The following CHTF18 variants were observed in gnomAD, a reference collection of about 807,000 sequenced individuals.
CHTF18 encodes the protein chromosome transmission fidelity protein 18 homolog.
CHTF18 carries 151 observed loss-of-function variants against 113.4 expected under a neutral mutation model. The observed-to-expected ratio is 1.33, with a 90% CI of 1.17 to 1.52. CHTF18 has a LOEUF of 1.52. CHTF18 is among the 40% of genes most tolerant of loss of function. The probability of loss-of-function intolerance (pLI) is 0.00; values close to 1 mark genes in which losing one functional copy is unlikely to be tolerated. For synonymous variants in CHTF18, 916 were observed against 598.8 expected, an observed-to-expected ratio of 1.53 and a Z score of -7.74; for missense variants, 1,982 against 1,381.6, an observed-to-expected ratio of 1.43 and a Z score of -6.89.
In CHTF18 at chr16:790,634, C is replaced by T. The variant is rs951430512; in HGVS notation, c.862C>T (p.Pro288Ser). 1.6e-5 allele frequency: 26 copies of T among 1,594,868 alleles called. No homozygotes were observed. Among genetic ancestry groups the T allele is most frequent in the Admixed American group, 3.5e-5 (2 of 57,686 alleles). ...CTGCCTCTGGGTGGATGAGTTTGCA[C>T]CCCGCCACTACACGGAGCTGCTCAG... is the stretch of plus-strand genomic sequence containing the variant. ...SHCLWVDEFA[P>S]RHYTELLSDD... is the part of the protein sequence containing the mutation. Residue 288 changes from proline (P) to serine (S), a missense_variant, in exon 7 of 22, where the codon CCC (proline) becomes TCC (serine). By Grantham distance (74) the Pro-to-Ser change is moderately conservative. Coordinates refer to ENST00000262315, the MANE Select transcript of CHTF18 (RefSeq NM_022092.3).
Position 797,866 on chromosome 16 carries a change from T to TGG in CHTF18, c.2820_2821dup (p.Glu941GlyfsTer62). On this transcript the variant is annotated frameshift_variant, in exon 22 of 22. Transcript: ENST00000262315. LOFTEE classifies it high-confidence loss of function. ...GACACGGCCCCGGAGCAGGACTCAG[T>TGG]GGAGCGGCGCATGGGCACAGCGGTG... is the stretch of plus-strand genomic sequence containing the variant. The TGG allele has an allele frequency of 6.2e-7, 1 of 1,608,498 alleles. No homozygotes were observed. Among genetic ancestry groups the TGG allele is most frequent in the Non-Finnish European group, 8.5e-7 (1 of 1,178,090 alleles).
chr16:789,497 G>C (rs761939865), intron 3 of CHTF18, 50 bp from the exon 4 acceptor site: 1 of 1,557,508 alleles, frequency 6.4e-7, no homozygotes. Flanking sequence ...CCATATCCAA[G>C]GGTGACCCCA....
chr16:792,013 G>T (rs532276467), intron 9 of CHTF18, 65 bp downstream of exon 9: 225 of 1,556,346 alleles, frequency 1.4e-4, no homozygotes, highest in South Asian at 3.4e-4. Context: ...TCTGGTGGCG[G>T]ACCTGAAACC....
In CHTF18 at chr16:792,281, G is replaced by A. The variant is rs2042218111; in HGVS notation, c.1260G>A (p.Glu420=). ...RTRIEAATQM[E]SVLGAGGKPN... ...GCATCGAGGCGGCCACCCAGATGGA[G>A]TCGGTGCTGGGTGCTGGCGGGAAGC... Residue 420 remains glutamate, a synonymous_variant, in exon 10 of 22, where the codon GAG becomes GAA. Transcript: ENST00000262315. 1 of 1,559,452 alleles carries A rather than the reference G, an allele frequency of 6.4e-7. No individual in the cohort carries two copies. Among genetic ancestry groups the A allele is most frequent in the South Asian group, 1.2e-5 (1 of 84,608 alleles).
chr16:796,641 G>A (rs1237340081), intron 18 of CHTF18, 76 bp from the exon 19 acceptor site: 11 of 1,457,956 alleles, frequency 7.5e-6, no homozygotes, highest in Non-Finnish European at 8.1e-6. Context: ...GGGGTTTGCG[G>A]TTGGAGTGCC....
intron 18 of CHTF18, among the ~76,000 whole-genome samples, 163 bp downstream of exon 18, chr16:796,240 C>T (rs1801745537): frequency 6.6e-6 from 1 of 152,206 alleles, no homozygotes; most frequent in African/African-American, 2.4e-5. Flanking sequence ...GAAGGGGGGT[C>T]ACTTCCAGCT....
chr16:793,980 G>A, intron 14 of CHTF18, 74 bp from the exon 15 acceptor site: 3 of 1,523,184 alleles, frequency 2.0e-6, no homozygotes, highest in Non-Finnish European at 2.7e-6. Context: ...GGGCCTCTGA[G>A]TGTCCCGGGG....
chr16:793,308 C>A, intron 14 of CHTF18, 34 bp downstream of exon 14: 1 of 1,601,098 alleles, frequency 6.2e-7, no homozygotes, highest in Non-Finnish European at 8.5e-7. Flanking sequence ...CCCAGATGCT[C>A]ACGGTGCCCG....
In CHTF18 at chr16:791,879, T is replaced by G; in HGVS notation, c.1133T>G (p.Leu378Arg). Residue 378 changes from leucine to arginine, a missense_variant, in exon 9 of 22, where the codon CTG becomes CGG. Coordinates refer to ENST00000262315, the MANE Select transcript of CHTF18 (RefSeq NM_022092.3). ...KVALLCGPPG[L>R]GKTTLAHVIA... is the part of the protein sequence containing the mutation. ...GCACTGCTCTGTGGGCCCCCGGGGC[T>G]GGGGAAGACCACCCTGGCACACGTG... The G allele has an allele frequency of 1.2e-6, 2 of 1,608,840 alleles. No homozygotes were observed. The highest frequency in any genetic ancestry group is 1.7e-6 in the Non-Finnish European group (2 of 1,178,426).
chr16:796,683 C>G (rs1170719741), intron 18 of CHTF18, 34 bp from the exon 19 acceptor site: 1 of 1,553,140 alleles, frequency 6.4e-7, no homozygotes, highest in Admixed American at 1.9e-5. Context: ...CCTGGCCCCG[C>G]TGACCTGCCC....
intron 8 of CHTF18, chr16:791,628 G>T: frequency 7.0e-7 from 1 of 1,430,732 alleles, no homozygotes. Flanking sequence ...CAGTCACACT[G>T]GTATCAGCTG....
At chr16:790,839 G>C (rs772624312) in intron 7 of CHTF18, 173 bp downstream of exon 7, 16 of 1,431,492 alleles carry the variant, frequency 1.1e-5, no homozygotes, top group Non-Finnish European at 1.5e-5. Context: ...GTGTGCTACT[G>C]GTCCCCTGTG....
chr16:794,928 AC>A (rs2042296401), intron 15 of CHTF18: 2 of 570,036 alleles, frequency 3.5e-6, no homozygotes. Flanking sequence ...CCCTCCCCCG[AC>A]CCCTTGGGCC....
chr16:790,023 G>A (rs1335548811), intron 4 of CHTF18, 154 bp from the exon 5 acceptor site: 1 of 1,535,648 alleles, frequency 6.5e-7, no homozygotes, highest in Non-Finnish European at 8.7e-7. Flanking sequence ...CATCTGGATG[G>A]CTTCATTCCT....
chr16:795,956 C>G lies in CHTF18; in HGVS notation c.2335C>G (p.Gln779Glu). ...GCCTCCCATCCCCTAGGTGAGCACACAGCTGTACAGCACCCGTGAAAAGCA... is the reference window on the plus strand; with the variant it reads ...GCCTCCCATCCCCTAGGTGAGCACAGAGCTGTACAGCACCCGTGAAAAGCA... Reference protein sequence around the residue: ...LAPKLRPVSTQLYSTREKQQL... With the variant: ...LAPKLRPVSTELYSTREKQQL... Residue 779 changes from glutamine to glutamate, a missense_variant, in exon 18 of 22, where the codon CAG (glutamine) becomes GAG (glutamate). Gln to Glu is a conservative substitution (Grantham distance 29). Coordinates refer to ENST00000262315, the MANE Select transcript of CHTF18 (RefSeq NM_022092.3). 2 of 1,609,704 alleles carry G rather than the reference C, an allele frequency of 1.2e-6. No individual in the cohort carries two copies. Among genetic ancestry groups the G allele is most frequent in the Non-Finnish European group, 1.7e-6 (2 of 1,178,654 alleles).
At position 789,350 on chromosome 16, in the gene CHTF18, T is replaced by G; in HGVS notation, c.427T>G (p.Trp143Gly). The change falls in exon 3 of 22, where the codon TGG becomes GGG. Residue 143 changes from tryptophan to glycine, a missense_variant. Physicochemically the swap from Trp to Gly is radical, Grantham distance 184. Coordinates refer to ENST00000262315, the MANE Select transcript of CHTF18 (RefSeq NM_022092.3). ...PPSPEDLAEL[W>G]GHGVSEAAAD... The stretch of plus-strand genomic sequence containing the variant: ...GAGCCCTGAGGACCTCGCAGAGCTT[T>G]GGGGCCACGGGTGTGTGGCTTGGAC... The G allele has an allele frequency of 6.3e-7, 1 of 1,593,762 alleles. No homozygotes were observed. The highest frequency in any genetic ancestry group is 8.5e-7 in the Non-Finnish European group (1 of 1,170,700).
In CHTF18 at chr16:791,100, G is replaced by T. The variant is rs758368224; in HGVS notation, c.895-61G>T. The T allele has an allele frequency of 1.8e-5, 28 of 1,547,910 alleles. No individual in the cohort carries two copies. In the East Asian group the frequency reaches 6.3e-4, roughly 35 times the overall value. On this transcript the variant is annotated intron_variant, in intron 7 of 21. Transcript: ENST00000262315. ...GGCATGGGGCTCATGGTGGCAGGTG[G>T]ACTGTCCGTGCCTGGAGGCGGTGCC...
chr16:793,255 CAGCTGCCTCG>C lies in CHTF18; in HGVS notation c.1787_1796del (p.Leu596ProfsTer132). 1 of 1,607,118 alleles carries C rather than the reference CAGCTGCCTCG, an allele frequency of 6.2e-7. No individual in the cohort carries two copies. Among genetic ancestry groups the C allele is most frequent in the Non-Finnish European group, 8.5e-7 (1 of 1,178,582 alleles). ...CTTCTCGGTGTGGCAGGAGGTCTTCCAGCTGCCTCGAGCCCAGAGGTAGGCGGTGGCCACA... is the reference window on the plus strand; with the variant it reads ...CTTCTCGGTGTGGCAGGAGGTCTTCCAGCCCAGAGGTAGGCGGTGGCCACA... On this transcript the variant is annotated frameshift_variant, in exon 14 of 22. Coordinates refer to ENST00000262315, the MANE Select transcript of CHTF18 (RefSeq NM_022092.3). LOFTEE classifies it high-confidence loss of function.
Position 796,760 on chromosome 16 carries a change from A to C in CHTF18, c.2500A>C (p.Lys834Gln), listed in dbSNP as rs755132008. The change falls in exon 19 of 22, where the codon AAG becomes CAG. Residue 834 changes from lysine (K) to glutamine (Q), a missense_variant. By Grantham distance (53) the Lys-to-Gln change is moderately conservative (BLOSUM62 1). Coordinates refer to ENST00000262315, the MANE Select transcript of CHTF18 (RefSeq NM_022092.3). ...LCRFPELPAR[K>Q]PLTYQTKQLI... ...CCGCTTCCCTGAGCTGCCTGCCCGCAAGCCCCTCACCTACCAGACGAAGCA... is the reference window on the plus strand; with the variant it reads ...CCGCTTCCCTGAGCTGCCTGCCCGCCAGCCCCTCACCTACCAGACGAAGCA... 4 of 1,607,948 alleles carry C rather than the reference A, an allele frequency of 2.5e-6. No individual in the cohort carries two copies. In the East Asian group the frequency reaches 8.9e-5, roughly 36 times the overall value.
Sources: gnomAD v4.1 joint callset for allele counts (sites outside exome capture counted in the v4.1 genomes callset) on GRCh38, gnomAD v4.1.1 for gene constraint, MANE v1.5 for transcripts, NCBI Gene and HGNC (gene_info 2026-07-23, HGNC 2026-07-21) for gene names.